Variants in CBFA2T2 observed in about 807,000 individuals in gnomAD.
CBFA2T2 encodes CBFA2/RUNX1 partner transcriptional co-repressor 2, also known as protein CBFA2T2.
A neutral mutation model predicts 62.2 loss-of-function variants in CBFA2T2; 11 were observed. The observed-to-expected ratio is 0.18, with a 90% CI of 0.11 to 0.29. CBFA2T2 has a LOEUF of 0.29. Among genes scored for constraint, CBFA2T2 ranks in the 10% least tolerant of loss-of-function variants. CBFA2T2 has a pLI of 1.00. For synonymous variants in CBFA2T2, 295 were observed against 287.5 expected (o/e 1.03, Z -0.27); for missense variants, 592 against 774.1 (o/e 0.76, Z 2.79).
At chr20:33,547,205 G>T (rs1456510130) in intron 1 of CBFA2T2, among the ~76,000 whole-genome samples, 3 of 151,312 alleles carry the variant, frequency 2.0e-5, no homozygotes, top group African/African-American at 2.4e-5. Flanking sequence ...GTCTCAAAAA[G>T]AAAAAAATAA....
chr20:33,550,374 T>C (rs1600958535), intron 1 of CBFA2T2, among the ~76,000 whole-genome samples: 1 of 152,236 alleles, frequency 6.6e-6, no homozygotes, highest in African/African-American at 2.4e-5. Flanking sequence ...TTTCAGACTT[T>C]AACTCCCCTC....
chr20:33,548,597 A>G (rs2012643341), intron 1 of CBFA2T2, among the ~76,000 whole-genome samples: 1 of 152,136 alleles, frequency 6.6e-6, no homozygotes, highest in Non-Finnish European at 1.5e-5. Context: ...TGGGTTCAGC[A>G]ATAAGTATAG....
intron 8 of CBFA2T2, among the ~76,000 whole-genome samples, chr20:33,631,071 T>C (rs2016431874): frequency 1.3e-5 from 2 of 152,136 alleles, no homozygotes; most frequent in South Asian, 4.1e-4. Flanking sequence ...TCCCAGCACT[T>C]TCGGAGGCTG....
At chr20:33,555,162 G>T (rs1384551865) in intron 1 of CBFA2T2, among the ~76,000 whole-genome samples, 1 of 152,004 alleles carries the variant, frequency 6.6e-6, no homozygotes, top group East Asian at 1.9e-4. Context: ...CTAGTTAGAG[G>T]TTTGTTTTTG....
intron 1 of CBFA2T2, among the ~76,000 whole-genome samples, chr20:33,535,610 T>G (rs1464335576): frequency 6.8e-6 from 1 of 146,394 alleles, no homozygotes; most frequent in Non-Finnish European, 1.5e-5. Context: ...TTATTTTTAT[T>G]TTTTTATTTT....
At chr20:33,503,741 C>T (rs191591692) in intron 1 of CBFA2T2, among the ~76,000 whole-genome samples, 12 of 152,124 alleles carry the variant, frequency 7.9e-5, no homozygotes, top group African/African-American at 2.2e-4. Flanking sequence ...CGGCTGGCCT[C>T]GAACTCCTGG....
intron 1 of CBFA2T2, among the ~76,000 whole-genome samples, chr20:33,556,273 T>C (rs1025602479): frequency 1.3e-5 from 2 of 152,250 alleles, no homozygotes; most frequent in African/African-American, 2.4e-5. Flanking sequence ...GACCAGTTGT[T>C]CTGTACTTAG....
chr20:33,503,386 C>T (rs1213930332), intron 1 of CBFA2T2, among the ~76,000 whole-genome samples: 1 of 151,196 alleles, frequency 6.6e-6, no homozygotes, highest in African/African-American at 2.4e-5. Flanking sequence ...TCCCGACTAG[C>T]TGGGATTACA....
At chr20:33,507,952 A>G (rs890397736) in intron 1 of CBFA2T2, among the ~76,000 whole-genome samples, 1 of 152,132 alleles carries the variant, frequency 6.6e-6, no homozygotes, top group African/African-American at 2.4e-5. Flanking sequence ...AAGAATGGGT[A>G]GGAGATGGGT....
chr20:33,517,890 C>T lies in CBFA2T2; in HGVS notation c.34+27589C>T, dbSNP rs908043919. 4.0e-5 allele frequency among the ~76,000 whole-genome samples: 6 copies of T among 151,858 alleles called. No homozygotes were observed. The East Asian group carries it at 9.7e-4, about 25-fold the overall frequency. On this transcript the variant is annotated intron_variant, in intron 1 of 10. Transcript: ENST00000342704. ...CAAACTCCTGACCTTGTGATCCACCCGCCTCGGCCTCCTAAAGTGCTAGGA... is the reference window on the plus strand; with the variant it reads ...CAAACTCCTGACCTTGTGATCCACCTGCCTCGGCCTCCTAAAGTGCTAGGA...
rs1018098501 is a variant in CBFA2T2 at position 33,644,442 on chromosome 20, G to C, written c.1584G>C (p.Glu528Asp). 3 of 1,614,150 alleles carry C rather than the reference G, an allele frequency of 1.9e-6. No homozygotes were observed. In the African/African-American group the frequency reaches 4.0e-5, roughly 22 times the overall value. ...CGSFCQHKDW[E>D]RHHRLCGQNL... ...CTTTCTGCCAGCACAAGGACTGGGA[G>C]CGGCACCACCGCCTCTGTGGTCAGA... Residue 528 changes from glutamate to aspartate, a missense_variant, in exon 11 of 11, where the codon GAG (glutamate) becomes GAC (aspartate). Glu to Asp is a conservative substitution (Grantham distance 45). Coordinates refer to ENST00000342704, the MANE Select transcript of CBFA2T2 (RefSeq NM_001032999.3).
intron 9 of CBFA2T2, 57 bp from the exon 10 acceptor site, chr20:33,640,284 T>TG: frequency 6.7e-7 from 1 of 1,501,058 alleles, no homozygotes; most frequent in Non-Finnish European, 9.1e-7. Context: ...AGAATTGCCG[T>TG]GGGATGGGAG....
chr20:33,547,687 ATGTGTGTGTG>A (rs60988030), intron 1 of CBFA2T2, among the ~76,000 whole-genome samples: 275 of 139,178 alleles, frequency 2.0e-3, no homozygotes, highest in African/African-American at 3.1e-3. Context: ...TCTCAAAAAA[ATGTGTGTGTG>A]TGTGTGTGTG....
chr20:33,617,239 A>T (rs1481389010), intron 3 of CBFA2T2, among the ~76,000 whole-genome samples: 1 of 152,050 alleles, frequency 6.6e-6, no homozygotes, highest in Non-Finnish European at 1.5e-5. Context: ...ATCTCTGAAA[A>T]AAAAAAATTT....
chr20:33,547,545 G>A (rs997831404), intron 1 of CBFA2T2, among the ~76,000 whole-genome samples: 1 of 152,126 alleles, frequency 6.6e-6, no homozygotes, highest in Non-Finnish European at 1.5e-5. Context: ...AACCAGGCAT[G>A]GTGACATGCA....
intron 1 of CBFA2T2, among the ~76,000 whole-genome samples, chr20:33,569,829 T>C (rs1184785969): frequency 6.6e-6 from 1 of 152,244 alleles, no homozygotes; most frequent in Non-Finnish European, 1.5e-5. Flanking sequence ...ATAAGGAACA[T>C]AGGGCCATTT....
intron 1 of CBFA2T2, among the ~76,000 whole-genome samples, chr20:33,515,671 T>G (rs2011587502): frequency 6.7e-6 from 1 of 150,326 alleles, no homozygotes; most frequent in Non-Finnish European, 1.5e-5. Context: ...CATGGTGGCG[T>G]ATACCTGTAA....
At chr20:33,569,365 CTA>C (rs1205790218) in intron 1 of CBFA2T2, among the ~76,000 whole-genome samples, 1 of 152,162 alleles carries the variant, frequency 6.6e-6, no homozygotes, top group Non-Finnish European at 1.5e-5. Flanking sequence ...AATAATTGTT[CTA>C]GTTTACTCAT....
intron 1 of CBFA2T2, among the ~76,000 whole-genome samples, chr20:33,498,563 T>A (rs1365407756): frequency 6.6e-6 from 1 of 151,902 alleles, no homozygotes; most frequent in Non-Finnish European, 1.5e-5. Context: ...TGACCTAGTT[T>A]TCTTATATAC....
Sources: allele counts gnomAD v4.1 joint callset (sites outside exome capture counted in the v4.1 genomes callset), GRCh38; gene constraint gnomAD v4.1.1; transcripts MANE v1.5; gene names NCBI Gene and HGNC (gene_info 2026-07-23, HGNC 2026-07-21).